KIRREL3: variants seen among roughly 807,000 people sequenced by gnomAD.
KIRREL3 encodes the protein kin of IRRE-like protein 3.
KIRREL3 carries 36 observed loss-of-function variants against 89.7 expected under a neutral mutation model. The ratio of observed to expected loss-of-function variants is 0.40; its 90% CI spans 0.31 to 0.53. The LOEUF (loss-of-function observed/expected upper bound fraction) is 0.53, where lower values mean the gene tolerates loss of function less well. KIRREL3 is among the 20% of genes least tolerant of loss of function. The pLI is 0.49. For missense variants in KIRREL3, 864 were observed against 1,056.6 expected (o/e 0.82, Z 2.53); for synonymous variants, 445 against 441.4 (o/e 1.01, Z -0.10).
rs1388151016 is a variant in KIRREL3 at position 126,724,380 on chromosome 11, C to T, written c.56-161468G>A. ...ATGCACACCCACACACATGCACATG[C>T]AGACTTATTGTCATAGCTTGTATCT... On this transcript the variant is annotated intron_variant, in intron 1 of 16. Transcript: ENST00000525144. This position sits in a 1 kb window ranked among gnomAD's most constrained non-coding sequence, Gnocchi z 4.3. 6.6e-6 allele frequency among the ~76,000 whole-genome samples: 1 copy of T among 152,212 alleles called. No individual in the cohort carries two copies.
In KIRREL3 at chr11:126,565,211, G is replaced by A. The variant is rs1285967574; in HGVS notation, c.56-2299C>T. On this transcript the variant is annotated intron_variant, in intron 1 of 16. Coordinates refer to ENST00000525144, the MANE Select transcript of KIRREL3 (RefSeq NM_032531.4). The surrounding 1 kb of genome is among the most constrained non-coding windows in gnomAD (Gnocchi z 5.4). ...CGAACAATTCTCTTACAGATTTAGA[G>A]AGTGTGAGCAATCTGTTGACTCTGG... Among the ~76,000 whole-genome samples, 1 of 152,186 alleles carries A rather than the reference G, an allele frequency of 6.6e-6. No individual in the cohort carries two copies. Among genetic ancestry groups the A allele is most frequent in the African/African-American group, 2.4e-5 (1 of 41,438 alleles).
chr11:126,958,300 A>T (rs1379613163), intron 1 of KIRREL3, among the ~76,000 whole-genome samples: 2 of 152,212 alleles, frequency 1.3e-5, no homozygotes, highest in African/African-American at 4.8e-5. Flanking sequence ...AGGAGCCCAG[A>T]TCCTAAGTGA....
chr11:126,545,650 A>G (rs1442947727), intron 2 of KIRREL3, among the ~76,000 whole-genome samples: 1 of 151,982 alleles, frequency 6.6e-6, no homozygotes, highest in Non-Finnish European at 1.5e-5. Context: ...TAAATAAAAT[A>G]AAGAACTCCT....
At chr11:126,834,900 C>T (rs1452177644) in intron 1 of KIRREL3, among the ~76,000 whole-genome samples, 3 of 152,228 alleles carry the variant, frequency 2.0e-5, no homozygotes, top group East Asian at 1.9e-4. Flanking sequence ...ACTGACCATG[C>T]TCAGAGCGTG....
At chr11:126,545,681 A>C (rs1340113387) in intron 2 of KIRREL3, among the ~76,000 whole-genome samples, 1 of 151,360 alleles carries the variant, frequency 6.6e-6, no homozygotes, top group Non-Finnish European at 1.5e-5. Flanking sequence ...ATTATGGAGA[A>C]CAGGCCTTCA....
chr11:126,775,948 G>A (rs1325589836), intron 1 of KIRREL3, among the ~76,000 whole-genome samples: 1 of 152,140 alleles, frequency 6.6e-6, no homozygotes, highest in African/African-American at 2.4e-5. Flanking sequence ...TATGGCTTGG[G>A]GGAGGTACAA....
chr11:126,735,542 G>C (rs1948772891), intron 1 of KIRREL3, among the ~76,000 whole-genome samples: 1 of 152,214 alleles, frequency 6.6e-6, no homozygotes, highest in Non-Finnish European at 1.5e-5. Flanking sequence ...CCAGACCAGG[G>C]ATATGATCTC....
intron 1 of KIRREL3, among the ~76,000 whole-genome samples, chr11:126,741,074 C>T (rs552062736): frequency 3.9e-4 from 59 of 152,178 alleles, no homozygotes; most frequent in Non-Finnish European, 5.7e-4. Context: ...CACAGGCCAA[C>T]TCTCTCTTCT....
intron 11 of KIRREL3, 159 bp downstream of exon 11, chr11:126,440,290 C>A (rs920773349): frequency 2.7e-6 from 2 of 729,092 alleles, no homozygotes; most frequent in African/African-American, 3.5e-5. Flanking sequence ...ATTGTGTCTT[C>A]ACGATGCTTT....
At chr11:126,971,694 C>A (rs772133391) in intron 1 of KIRREL3, among the ~76,000 whole-genome samples, 1 of 152,176 alleles carries the variant, frequency 6.6e-6, no homozygotes, top group Non-Finnish European at 1.5e-5. Flanking sequence ...TGTCATAAAT[C>A]GTCTGTAACC....
chr11:126,768,596 G>A lies in KIRREL3; in HGVS notation c.56-205684C>T, dbSNP rs1949920960. 6.6e-6 allele frequency among the ~76,000 whole-genome samples: 1 copy of A among 152,226 alleles called. No homozygotes were observed. Among genetic ancestry groups the A allele is most frequent in the South Asian group, 2.1e-4 (1 of 4,834 alleles). On this transcript the variant is annotated intron_variant, in intron 1 of 16. Coordinates refer to ENST00000525144, the MANE Select transcript of KIRREL3 (RefSeq NM_032531.4). The surrounding 1 kb of genome is among the most constrained non-coding windows in gnomAD (Gnocchi z 4.5). ...GACAGGGACTGGAGGTGGGTTGGAG[G>A]ACTACTTTGGATGGGGTAGTCAGGA...
chr11:126,735,007 G>A (rs568429153), intron 1 of KIRREL3, among the ~76,000 whole-genome samples: 82 of 152,268 alleles, frequency 5.4e-4, no homozygotes, highest in African/African-American at 1.9e-3. Flanking sequence ...TTGGCAGGGA[G>A]GCTCATAACG....
chr11:126,639,928 C>A lies in KIRREL3; in HGVS notation c.56-77016G>T, dbSNP rs1364731081. ...GAAAGGCCACTTGCTTAATTGGGAACACTTTAATATAGATATCCATTAACT... is the reference window on the plus strand; with the variant it reads ...GAAAGGCCACTTGCTTAATTGGGAAAACTTTAATATAGATATCCATTAACT... On this transcript the variant is annotated intron_variant, in intron 1 of 16. Transcript: ENST00000525144. This position sits in a 1 kb window ranked among gnomAD's most constrained non-coding sequence, Gnocchi z 4.3. Among the ~76,000 whole-genome samples the A allele has an allele frequency of 6.6e-6, 1 of 152,190 alleles. No homozygotes were observed. The highest frequency in any genetic ancestry group is 1.5e-5 in the Non-Finnish European group (1 of 68,038).
intron 4 of KIRREL3, among the ~76,000 whole-genome samples, chr11:126,488,368 C>A (rs536877194): frequency 1.1e-3 from 170 of 152,356 alleles, no homozygotes; most frequent in Non-Finnish European, 1.9e-3. Flanking sequence ...GTTTATCAAC[C>A]TTCCTGAGCC....
rs1233110542 is a variant in KIRREL3, at chr11:126,477,858, C to T, written c.434-4392G>A. 6.6e-6 allele frequency among the ~76,000 whole-genome samples: 1 copy of T among 152,170 alleles called. No individual in the cohort carries two copies. The highest frequency in any genetic ancestry group is 2.4e-5 in the African/African-American group (1 of 41,432). The stretch of plus-strand genomic sequence containing the variant: ...GGGACCAGCAGCACCACCCTCCTGC[C>T]CCCATACTGCATGGTGGAGAACCTC... On this transcript the variant is annotated intron_variant, in intron 4 of 16. Coordinates refer to ENST00000525144, the MANE Select transcript of KIRREL3 (RefSeq NM_032531.4). This position sits in a 1 kb window ranked among gnomAD's most constrained non-coding sequence, Gnocchi z 4.8.
rs1352801621 is a variant in KIRREL3, at chr11:126,747,967, T to G, written c.56-185055A>C. Among the ~76,000 whole-genome samples, 3 of 152,176 alleles carry G rather than the reference T, an allele frequency of 2.0e-5. No homozygotes were observed. Among genetic ancestry groups the G allele is most frequent in the Non-Finnish European group, 4.4e-5 (3 of 68,026 alleles). ...CTTCCCAGGTGACTTTCTGCTCTAC[T>G]CTTTCTCAGTCTCCATCTGACCCGT... On this transcript the variant is annotated intron_variant, in intron 1 of 16. Transcript: ENST00000525144. This position sits in a 1 kb window ranked among gnomAD's most constrained non-coding sequence, Gnocchi z 4.7.
chr11:126,882,626 T>G (rs1945546290), intron 1 of KIRREL3, among the ~76,000 whole-genome samples: 1 of 152,200 alleles, frequency 6.6e-6, no homozygotes, highest in Non-Finnish European at 1.5e-5. Context: ...TTTCCATTAT[T>G]TTTCATGCTT....
chr11:126,861,656 G>T (rs1319659065), intron 1 of KIRREL3, among the ~76,000 whole-genome samples: 1 of 152,174 alleles, frequency 6.6e-6, no homozygotes, highest in African/African-American at 2.4e-5. Flanking sequence ...CAAATGAAAT[G>T]ATACATGTAA....
At chr11:126,956,989 A>T (rs1264794626) in intron 1 of KIRREL3, among the ~76,000 whole-genome samples, 1 of 152,192 alleles carries the variant, frequency 6.6e-6, no homozygotes, top group African/African-American at 2.4e-5. Context: ...TCTGCTTCAC[A>T]TGCACGCGAT....
Sources: gnomAD v4.1 joint callset for allele counts (sites outside exome capture counted in the v4.1 genomes callset) on GRCh38, gnomAD v4.1.1 for gene constraint, Gnocchi (gnomAD v3.1) non-coding constraint, MANE v1.5 for transcripts, NCBI Gene and HGNC (gene_info 2026-07-23, HGNC 2026-07-21) for gene names.